Variants in DLG2 observed in about 807,000 individuals in gnomAD.
DLG2 encodes the protein disks large homolog 2.
A neutral mutation model predicts 132.5 loss-of-function variants in DLG2; 45 were observed. That is an observed-to-expected ratio of 0.34 (90% CI 0.27 to 0.44). The LOEUF (loss-of-function observed/expected upper bound fraction) is 0.44. DLG2 is among the 20% of genes least tolerant of loss of function. DLG2 has a pLI of 1.00. For synonymous variants in DLG2, 424 were observed against 419.6 expected (o/e 1.01, Z -0.13); for missense variants, 1,045 against 1,196.9 (o/e 0.87, Z 1.87).
chr11:85,217,199 G>A (rs777239625), intron 4 of DLG2, among the ~76,000 whole-genome samples: 72 of 151,884 alleles, frequency 4.7e-4, no homozygotes, highest in African/African-American at 1.5e-3. Flanking sequence ...ACTATGATAT[G>A]AACTCAAACT....
intron 18 of DLG2, among the ~76,000 whole-genome samples, chr11:83,673,937 G>C (rs960770930): frequency 2.6e-5 from 4 of 152,182 alleles, no homozygotes; most frequent in Non-Finnish European, 5.9e-5. Flanking sequence ...TCCCTGACCT[G>C]TCTTTCCAGA....
chr11:84,719,200 G>A (rs2061530665), intron 6 of DLG2, among the ~76,000 whole-genome samples: 1 of 152,166 alleles, frequency 6.6e-6, no homozygotes, highest in South Asian at 2.1e-4. Flanking sequence ...GAAGTTCAGT[G>A]TGTGTGTTTC....
At chr11:85,533,041 T>G (rs2075321553) in intron 3 of DLG2, among the ~76,000 whole-genome samples, 1 of 152,172 alleles carries the variant, frequency 6.6e-6, no homozygotes, top group African/African-American at 2.4e-5. Flanking sequence ...GTTGTTGTTT[T>G]GAGACGGAGT....
chr11:83,880,857 A>C (rs2066051251), intron 15 of DLG2, among the ~76,000 whole-genome samples: 1 of 152,212 alleles, frequency 6.6e-6, no homozygotes, highest in African/African-American at 2.4e-5. Context: ...ATCTGTCCAC[A>C]GTAGCCACTG....
Position 83,643,135 on chromosome 11 carries a change from C to T in DLG2, c.1826-9810G>A, listed in dbSNP as rs774017506. 3.6e-4 allele frequency among the ~76,000 whole-genome samples: 55 copies of T among 151,904 alleles called. 1 individual carries two copies. The highest frequency in any genetic ancestry group is 7.1e-4 in the Non-Finnish European group (48 of 67,970). ...TGAATTGTACAGTATAAATAGAAAGCGGTGACAAAAGTAATTCATACCAAT... is the reference window on the plus strand; with the variant it reads ...TGAATTGTACAGTATAAATAGAAAGTGGTGACAAAAGTAATTCATACCAAT... On this transcript the variant is annotated intron_variant, in intron 18 of 27. Coordinates refer to ENST00000376104, the MANE Select transcript of DLG2 (RefSeq NM_001142699.3).
chr11:83,875,563 C>T (rs1324959775), intron 15 of DLG2, among the ~76,000 whole-genome samples: 2 of 152,030 alleles, frequency 1.3e-5, no homozygotes, highest in Non-Finnish European at 2.9e-5. Context: ...AAAGAGATGG[C>T]AAGAGAATCT....
chr11:83,497,084 G>C (rs527797750), intron 21 of DLG2, among the ~76,000 whole-genome samples: 31 of 152,276 alleles, frequency 2.0e-4, no homozygotes, highest in Middle Eastern at 3.4e-3. Context: ...CTGGGATTGA[G>C]AGCATGACAG....
chr11:84,122,243 C>T (rs913397108), intron 9 of DLG2, among the ~76,000 whole-genome samples: 9 of 152,184 alleles, frequency 5.9e-5, no homozygotes, highest in Middle Eastern at 3.4e-3. Context: ...TTTCTTGAAT[C>T]CAGGAGGCAG....
intron 6 of DLG2, among the ~76,000 whole-genome samples, chr11:84,726,981 A>G (rs1402208638): frequency 1.3e-5 from 2 of 152,152 alleles, no homozygotes; most frequent in African/African-American, 2.4e-5. Flanking sequence ...AGTTCCTTGT[A>G]GATTCTGGAT....
At chr11:83,686,787 T>G (rs565241187) in intron 18 of DLG2, among the ~76,000 whole-genome samples, 8 of 152,298 alleles carry the variant, frequency 5.3e-5, no homozygotes, top group Admixed American at 2.0e-4. Context: ...ATCCTGTGTA[T>G]GACTTTGATA....
chr11:84,271,568 A>C (rs2154364432), intron 7 of DLG2, among the ~76,000 whole-genome samples: 1 of 152,326 alleles, frequency 6.6e-6, no homozygotes, highest in African/African-American at 2.4e-5. Flanking sequence ...TCAAGCATTA[A>C]TTGGAAATTG....
chr11:84,763,432 T>A (rs1021814226), intron 6 of DLG2: 1 of 152,174 alleles, frequency 6.6e-6, no homozygotes, highest in African/African-American at 2.4e-5. Context: ...TGCTTCTTAG[T>A]CTTGGTATTG....
chr11:84,454,319 T>C (rs1217120826), intron 7 of DLG2, among the ~76,000 whole-genome samples: 3 of 151,502 alleles, frequency 2.0e-5, no homozygotes, highest in African/African-American at 4.8e-5. Context: ...ATATTCTTAC[T>C]ACCCATGGAA....
intron 6 of DLG2, among the ~76,000 whole-genome samples, chr11:84,723,862 CTATT>C (rs2062101589): frequency 6.6e-6 from 1 of 152,126 alleles, no homozygotes; most frequent in South Asian, 2.1e-4. Context: ...CAACAATACA[CTATT>C]AAGCATTTCT....
At chr11:84,650,863 G>GTATATATATATATA (rs1417830252) in intron 6 of DLG2, among the ~76,000 whole-genome samples, 163 of 92,008 alleles carry the variant, frequency 1.8e-3, no homozygotes, top group Middle Eastern at 5.4e-3. Flanking sequence ...GTGTGTGTGT[G>GTATATATATATATA]TGTGTGTGTG....
chr11:85,265,292 C>G (rs1386532660), intron 4 of DLG2, among the ~76,000 whole-genome samples: 1 of 152,224 alleles, frequency 6.6e-6, no homozygotes, highest in African/African-American at 2.4e-5. Flanking sequence ...TTAACACACA[C>G]TATGTGTCAA....
intron 6 of DLG2, among the ~76,000 whole-genome samples, chr11:84,591,925 C>G (rs1001873089): frequency 2.0e-5 from 3 of 152,074 alleles, no homozygotes; most frequent in Non-Finnish European, 4.4e-5. Context: ...ATGATCTTGG[C>G]TAATTGCAAC....
intron 6 of DLG2, chr11:84,997,859 C>T (rs1426003604): frequency 6.6e-6 from 1 of 152,106 alleles, no homozygotes; most frequent in East Asian, 1.9e-4. Context: ...GAGACATGGT[C>T]AGCATGATAG....
At chr11:83,644,273 A>G (rs2067464820) in intron 18 of DLG2, among the ~76,000 whole-genome samples, 7 of 152,138 alleles carry the variant, frequency 4.6e-5, no homozygotes. Flanking sequence ...TAATGTGGCC[A>G]TCTCTCCCTC....
Sources: allele counts gnomAD v4.1 joint callset (sites outside exome capture counted in the v4.1 genomes callset), GRCh38; gene constraint gnomAD v4.1.1; transcripts MANE v1.5; gene names NCBI Gene and HGNC (gene_info 2026-07-23, HGNC 2026-07-21).